IL3RA: variants seen among roughly 807,000 people sequenced by gnomAD.
IL3RA encodes interleukin-3 receptor subunit alpha.
Under a neutral mutation model 52.3 loss-of-function variants are expected in IL3RA, and 73 were observed. That is an observed-to-expected ratio of 1.40 (90% CI 1.16 to 1.70). The LOEUF (loss-of-function observed/expected upper bound fraction) is 1.70, where lower values mean the gene tolerates loss of function less well. IL3RA is among the 40% of genes most tolerant of loss of function. The probability of loss-of-function intolerance (pLI) is 0.00; values close to 1 mark genes in which losing one functional copy is unlikely to be tolerated. For synonymous variants in IL3RA, 260 were observed against 194.0 expected, an observed-to-expected ratio of 1.34 and a Z score of -2.83; for missense variants, 664 against 504.4, an observed-to-expected ratio of 1.32 and a Z score of -3.03.
chrX:1,378,638 C>T (rs770118524), intron 9 of IL3RA, 21 bp from the exon 10 acceptor site: 22 of 1,605,714 alleles, frequency 1.4e-5, no homozygotes, highest in Non-Finnish European at 1.7e-5. Context: ...GGTCTGTGAC[C>T]CTCTCACCCT....
At chrX:1,361,297 C>G (rs1325255558) in intron 8 of IL3RA, among the ~76,000 whole-genome samples, 1 of 151,942 alleles carries the variant, frequency 6.6e-6, no homozygotes, top group Non-Finnish European at 1.5e-5. Context: ...CTGTATTAGT[C>G]CATTGTCACA....
chrX:1,359,731 C>T (rs1921481949), intron 8 of IL3RA, among the ~76,000 whole-genome samples: 2 of 138,004 alleles, frequency 1.4e-5, no homozygotes, highest in South Asian at 2.4e-4. Flanking sequence ...TCTCTCTCCC[C>T]GTTCCCATCT....
At chrX:1,378,848 CATT>C (rs1367427854) in intron 10 of IL3RA, 84 bp downstream of exon 10, 5 of 1,273,944 alleles carry the variant, frequency 3.9e-6, no homozygotes, top group African/African-American at 2.9e-5. Context: ...TGAGAATTAT[CATT>C]ATTATTTTTG....
intron 6 of IL3RA, 22 bp downstream of exon 6, chrX:1,352,528 C>T (rs766881069): frequency 1.2e-6 from 2 of 1,607,724 alleles, no homozygotes; most frequent in East Asian, 4.5e-5. Context: ...GGGACACTCC[C>T]TCCCACCCTC....
At chrX:1,357,680 C>A (rs1569523884) in intron 7 of IL3RA, among the ~76,000 whole-genome samples, 1 of 151,808 alleles carries the variant, frequency 6.6e-6, no homozygotes, top group African/African-American at 2.4e-5. Context: ...ATTATTTATG[C>A]TCAAATACTA....
At chrX:1,362,635 T>A (rs2087542875) in intron 8 of IL3RA, among the ~76,000 whole-genome samples, 1 of 152,140 alleles carries the variant, frequency 6.6e-6, no homozygotes, top group African/African-American at 2.4e-5. Flanking sequence ...ATTAGTCCAT[T>A]TTCATGGACT....
chrX:1,346,027 A>G (rs1259307133), intron 3 of IL3RA, among the ~76,000 whole-genome samples: 3 of 151,274 alleles, frequency 2.0e-5, no homozygotes, highest in Non-Finnish European at 2.9e-5. Context: ...GCGAAACCCA[A>G]CCCCACGCTG....
chrX:1,355,594 G>T (rs1352894965), intron 6 of IL3RA, among the ~76,000 whole-genome samples: 1 of 151,048 alleles, frequency 6.6e-6, no homozygotes, highest in Non-Finnish European at 1.5e-5. Flanking sequence ...AAGTGCCTGG[G>T]GTTCCCGGGA....
Position 1,379,363 on chromosome X carries a change from C to T in IL3RA, c.980+599C>T, listed in dbSNP as rs757630172. On this transcript the variant is annotated intron_variant, in intron 10 of 11. Coordinates refer to ENST00000331035, the MANE Select transcript of IL3RA (RefSeq NM_002183.4). The stretch of plus-strand genomic sequence containing the variant: ...TGGAGACGGGGTTTCACCATGTTGG[C>T]CACACTGGTGTTGAACTCCTGGCCT... 2.6e-5 allele frequency among the ~76,000 whole-genome samples: 4 copies of T among 152,156 alleles called. No homozygotes were observed. The South Asian group carries it at 8.3e-4, about 32-fold the overall frequency.
intron 8 of IL3RA, among the ~76,000 whole-genome samples, chrX:1,361,457 A>G (rs2087352655): frequency 6.6e-6 from 1 of 152,206 alleles, no homozygotes; most frequent in Admixed American, 6.5e-5. Context: ...CGGGCAAGAC[A>G]GAATGAGACA....
At chrX:1,365,880 C>G (rs866242502) in intron 9 of IL3RA, among the ~76,000 whole-genome samples, 2 of 5,542 alleles carry the variant, frequency 3.6e-4, no homozygotes, top group Non-Finnish European at 5.3e-4. Flanking sequence ...CGGGGTGAGC[C>G]GGGTGCGCGG....
rs181975551 is a variant in IL3RA, at chrX:1,354,434, G to A, written c.617-1787G>A. Among the ~76,000 whole-genome samples, 694 of 150,952 alleles carry A rather than the reference G, an allele frequency of 4.6e-3. 3 individuals are homozygous for A. Among genetic ancestry groups the A allele is most frequent in the African/African-American group, 0.016 (652 of 41,086 alleles). On this transcript the variant is annotated intron_variant, in intron 6 of 11. Coordinates refer to ENST00000331035, the MANE Select transcript of IL3RA (RefSeq NM_002183.4). ...ATGCTTCAGAAGAGGAGGGGGAAAC[G>A]AGGAAGAGGAGGAGAAGGACAAGGA...
chrX:1,360,563 G>C (rs1487391750), intron 8 of IL3RA, among the ~76,000 whole-genome samples: 1 of 151,798 alleles, frequency 6.6e-6, no homozygotes, highest in Non-Finnish European at 1.5e-5. Context: ...TTGTTGCCCA[G>C]GCTGGAGTGC....
At chrX:1,339,707 G>A (rs144018641) in intron 1 of IL3RA, among the ~76,000 whole-genome samples, 3 of 152,164 alleles carry the variant, frequency 2.0e-5, no homozygotes, top group East Asian at 1.9e-4. Context: ...CAGGAGAATC[G>A]CTTGAACGTG....
At chrX:1,341,533 A>C (rs1418253577) in intron 1 of IL3RA, among the ~76,000 whole-genome samples, 195 bp from the exon 2 acceptor site, 1 of 48,194 alleles carries the variant, frequency 2.1e-5, no homozygotes, top group Non-Finnish European at 6.3e-5. Context: ...CACATGTAGA[A>C]GCACACTCTG....
chrX:1,370,845 C>A (rs1440416039), intron 9 of IL3RA, among the ~76,000 whole-genome samples: 1 of 69,022 alleles, frequency 1.4e-5, no homozygotes, highest in Non-Finnish European at 2.6e-5. Context: ...AGGAGAGGGG[C>A]CTCAGGAGGA....
intron 4 of IL3RA, among the ~76,000 whole-genome samples, chrX:1,349,667 T>C (rs144479828): frequency 0.038 from 5,671 of 150,752 alleles, 113 homozygotes; most frequent in Middle Eastern, 0.061. Context: ...TGTTTTGTTT[T>C]GTTTGTTTTT....
chrX:1,368,089 C>T (rs1345407274), intron 9 of IL3RA, among the ~76,000 whole-genome samples: 1 of 152,120 alleles, frequency 6.6e-6, no homozygotes, highest in Non-Finnish European at 1.5e-5. Context: ...GAAACCCGGT[C>T]TCTACAAAAA....
At chrX:1,346,062 C>G (rs1390925495) in intron 3 of IL3RA, among the ~76,000 whole-genome samples, 4 of 151,816 alleles carry the variant, frequency 2.6e-5, no homozygotes, top group Non-Finnish European at 5.9e-5. Context: ...CGTCTGTAAT[C>G]CCAGCACTTT....
Sources: gnomAD v4.1 joint callset for allele counts (sites outside exome capture counted in the v4.1 genomes callset) on GRCh38, gnomAD v4.1.1 for gene constraint, MANE v1.5 for transcripts, NCBI Gene and HGNC (gene_info 2026-07-23, HGNC 2026-07-21) for gene names.